The following TAPBP variants were observed in gnomAD, a reference collection of about 807,000 sequenced individuals.
TAPBP encodes the protein TAP binding protein.
A neutral mutation model predicts 45.7 loss-of-function variants in TAPBP; 38 were observed. The ratio of observed to expected loss-of-function variants is 0.83; its 90% CI spans 0.64 to 1.09. TAPBP has a LOEUF of 1.09. Among genes scored for constraint, TAPBP ranks in the 50% least tolerant of loss-of-function variants. The probability of loss-of-function intolerance (pLI) is 0.00; values close to 1 mark genes in which losing one functional copy is unlikely to be tolerated. For missense variants in TAPBP, 513 were observed against 587.3 expected (o/e 0.87, Z 1.31); for synonymous variants, 226 against 254.8 (o/e 0.89, Z 1.08).
intron 3 of TAPBP, among the ~76,000 whole-genome samples, chr6:33,306,089 T>C (rs1768953790): frequency 6.6e-6 from 1 of 152,226 alleles, no homozygotes; most frequent in African/African-American, 2.4e-5. Flanking sequence ...CATTAATACC[T>C]CTTGCTACTC....
At chr6:33,312,782 G>T (rs916777415) in intron 3 of TAPBP, among the ~76,000 whole-genome samples, 1 of 152,310 alleles carries the variant, frequency 6.6e-6, no homozygotes, top group African/African-American at 2.4e-5. Context: ...GCTGGGTTTT[G>T]AAAGAGTGAC....
chr6:33,303,374 G>A (rs1299470188), intron 7 of TAPBP, among the ~76,000 whole-genome samples: 7 of 151,846 alleles, frequency 4.6e-5, no homozygotes, highest in African/African-American at 1.5e-4. Flanking sequence ...AGCCGAGATC[G>A]CACCATTGCA....
Position 33,313,874 on chromosome 6 carries a change from A to AC in TAPBP, c.38-11_38-10insG. 6.2e-7 allele frequency: 1 copy of AC among 1,613,496 alleles called. No individual in the cohort carries two copies. On this transcript the variant is annotated splice_polypyrimidine_tract_variant and intron_variant, in intron 1 of 7. Coordinates refer to ENST00000434618, the MANE Select transcript of TAPBP (RefSeq NM_003190.5). The surrounding 1 kb of genome is among the most constrained non-coding windows in gnomAD (Gnocchi z 7.2). ...ACGGCGGTCGCCAGGCCTGGCGTAT[A>AC]GGGACGCGAGTGAGGAGCGGTTTGT...
rs1562681748 is a variant in TAPBP, at chr6:33,302,140, CTTTCTTTTT to C, written c.1336-378_1336-370del. On this transcript the variant is annotated intron_variant, in intron 7 of 7. Coordinates refer to ENST00000434618, the MANE Select transcript of TAPBP (RefSeq NM_003190.5). ...AAAGGGCTGCAATTTATTTTCTTTT[CTTTCTTTTT>C]TTTTTTTTTTTTTTGAGACAGGGTC... Among the ~76,000 whole-genome samples, 395 of 137,842 alleles carry C rather than the reference CTTTCTTTTT, an allele frequency of 2.9e-3. 4 individuals carry two copies. Among genetic ancestry groups the C allele is most frequent in the African/African-American group, 0.01 (383 of 36,848 alleles). 90.4% of individuals were successfully genotyped at this position (137,842 alleles called of 152,430 possible). A position where few individuals can be genotyped will look rare whatever the true frequency, so the allele number is the denominator to read the frequency against.
chr6:33,310,588 G>C (rs372945826), intron 3 of TAPBP, among the ~76,000 whole-genome samples: 2 of 151,448 alleles, frequency 1.3e-5, no homozygotes, highest in East Asian at 3.9e-4. Flanking sequence ...AGGCCAAGGT[G>C]GGCAGATCAA....
At position 33,304,327 on chromosome 6, in the gene TAPBP, G is replaced by T. The variant is rs545499119; in HGVS notation, c.1180C>A (p.Arg394Ser). The stretch of plus-strand genomic sequence containing the variant: ...ACCTCCAGGGTGACCTCAGCGCTGC[G>T]CCCCGAGGCAGGCAGGCTGGGATGG... ...IHHPSLPASG[R>S]SAEVTLEVAG... The change falls in exon 5 of 8, where the codon CGC becomes AGC. Residue 394 changes from arginine (R) to serine (S), a missense_variant. By Grantham distance (110) the Arg-to-Ser change is moderately radical. Coordinates refer to ENST00000434618, the MANE Select transcript of TAPBP (RefSeq NM_003190.5). 6.2e-7 allele frequency: 1 copy of T among 1,607,054 alleles called. No individual in the cohort carries two copies. Among genetic ancestry groups the T allele is most frequent in the South Asian group, 1.1e-5 (1 of 90,338 alleles).
Position 33,304,114 on chromosome 6 carries a change from G to A in TAPBP, c.1300+14C>T. ...CCAACCTCAGGTCATGGTCAGGGTA[G>A]GGCTGACACTTACCAGCCCAGCCCA... On this transcript the variant is annotated intron_variant, in intron 6 of 7. Coordinates refer to ENST00000434618, the MANE Select transcript of TAPBP (RefSeq NM_003190.5). The A allele has an allele frequency of 6.2e-7, 1 of 1,612,870 alleles. No homozygotes were observed. The highest frequency in any genetic ancestry group is 8.5e-7 in the Non-Finnish European group (1 of 1,179,562).
intron 4 of TAPBP, 123 bp from the exon 5 acceptor site, chr6:33,304,761 G>T: frequency 7.6e-7 from 1 of 1,313,488 alleles, no homozygotes; most frequent in South Asian, 1.4e-5. Context: ...TCCTGAAATA[G>T]GGAACCCACT....
intron 3 of TAPBP, among the ~76,000 whole-genome samples, chr6:33,306,410 G>A (rs1768969837): frequency 6.6e-6 from 1 of 152,232 alleles, no homozygotes; most frequent in Non-Finnish European, 1.5e-5. Flanking sequence ...AAGACAGAAT[G>A]GTGAACAAGA....
intron 3 of TAPBP, among the ~76,000 whole-genome samples, chr6:33,309,018 G>A (rs1769158424): frequency 6.6e-6 from 1 of 151,460 alleles, no homozygotes; most frequent in African/African-American, 2.4e-5. Context: ...TCATGGAATT[G>A]TTCAGTAGAG....
rs1366958938 is a variant in TAPBP, at chr6:33,301,021, G to T, written c.*739C>A. 6.6e-6 allele frequency: 1 copy of T among 151,940 alleles called. No individual in the cohort carries two copies. Among genetic ancestry groups the T allele is most frequent in the East Asian group, 1.9e-4 (1 of 5,186 alleles). The allele number at this position is 151,940 out of a possible 1,614,324, so 9.4% of individuals were successfully genotyped here. On this transcript the variant is annotated 3_prime_UTR_variant, in exon 8 of 8. Coordinates refer to ENST00000434618, the MANE Select transcript of TAPBP (RefSeq NM_003190.5). Reference sequence around the variant, plus strand: ...CTTCATTCTATAAGTGTACAGTGGAGTTTTTCAGAAGCTACATGATATGTA... The same window carrying T: ...CTTCATTCTATAAGTGTACAGTGGATTTTTTCAGAAGCTACATGATATGTA...
At chr6:33,310,488 A>T (rs924150855) in intron 3 of TAPBP, among the ~76,000 whole-genome samples, 4 of 137,022 alleles carry the variant, frequency 2.9e-5, no homozygotes, top group African/African-American at 1.1e-4. Flanking sequence ...CCTGGGCAAC[A>T]GGGTGAGACT....
At chr6:33,302,350 A>G (rs952796305) in intron 7 of TAPBP, among the ~76,000 whole-genome samples, 6 of 151,620 alleles carry the variant, frequency 4.0e-5, no homozygotes, top group Admixed American at 3.3e-4. Context: ...TTTGAGACAG[A>G]GCCTCACTCT....
In TAPBP at chr6:33,305,188, C is replaced by T. The variant is rs1581742717; in HGVS notation, c.669G>A (p.Gly223=). ...GGGCTGCTGGCATCTGGCCATTCAG[C>T]CCAGGAGTTGCAGCCAGGAGCAGAT... ...KGHLLLAATP[G]LNGQMPAAQE... is the part of the protein sequence containing the mutation. Residue 223 remains glycine, a synonymous_variant, in exon 4 of 8, where the codon GGG becomes GGA. Coordinates refer to ENST00000434618, the MANE Select transcript of TAPBP (RefSeq NM_003190.5). This position sits in a 1 kb window ranked among gnomAD's most constrained non-coding sequence, Gnocchi z 4.4. 2 of 1,614,176 alleles carry T rather than the reference C, an allele frequency of 1.2e-6. No homozygotes were observed. Among genetic ancestry groups the T allele is most frequent in the East Asian group, 2.2e-5 (1 of 44,866 alleles).
chr6:33,301,657 T>C lies in TAPBP; in HGVS notation c.*103A>G. 2.0e-6 allele frequency: 2 copies of C among 1,000,402 alleles called. No individual in the cohort carries two copies. 62.0% of individuals were successfully genotyped at this position (1,000,402 alleles called of 1,614,324 possible). On this transcript the variant is annotated 3_prime_UTR_variant, in exon 8 of 8. Transcript: ENST00000434618. ...ATTCCAGCCACTCAGTGGAGAGAGATTGGAGGGATTAGGAGCAGATGATAG... is the reference window on the plus strand; with the variant it reads ...ATTCCAGCCACTCAGTGGAGAGAGACTGGAGGGATTAGGAGCAGATGATAG...
Position 33,302,312 on chromosome 6 carries a change from A to ATATGT in TAPBP, c.1336-542_1336-541insACATA, listed in dbSNP as rs563042051. Among the ~76,000 whole-genome samples, 278 of 151,200 alleles carry ATATGT rather than the reference A, an allele frequency of 1.8e-3. 2 individuals carry two copies. Among genetic ancestry groups the ATATGT allele is most frequent in the African/African-American group, 6.4e-3 (264 of 41,180 alleles). On this transcript the variant is annotated intron_variant, in intron 7 of 7. Transcript: ENST00000434618. ...AGCTGTGTGCCACCATGCCCAGCTA[A>ATATGT]TTTGTTTTGTTTTGTTTTGTTTTGT...
At chr6:33,309,856 C>G (rs952711233) in intron 3 of TAPBP, among the ~76,000 whole-genome samples, 6 of 150,636 alleles carry the variant, frequency 4.0e-5, no homozygotes, top group Admixed American at 2.7e-4. Flanking sequence ...TTCCGAGTAG[C>G]TGGGATTACA....
In TAPBP at chr6:33,302,080, A is replaced by G. The variant is rs377666748; in HGVS notation, c.1336-309T>C. Among the ~76,000 whole-genome samples the G allele has an allele frequency of 6.0e-4, 91 of 152,256 alleles. No homozygotes were observed. The South Asian group carries it at 0.016, about 27-fold the overall frequency. ...CGAATTGAGATGTGCTGACTATTTA[A>G]AATAAACACCTGTGTTTGAATACTT... On this transcript the variant is annotated intron_variant, in intron 7 of 7. Coordinates refer to ENST00000434618, the MANE Select transcript of TAPBP (RefSeq NM_003190.5).
intron 7 of TAPBP, among the ~76,000 whole-genome samples, chr6:33,302,172 G>T (rs1388873280): frequency 1.4e-5 from 2 of 144,102 alleles, no homozygotes; most frequent in Non-Finnish European, 3.0e-5. Flanking sequence ...TTGAGACAGG[G>T]TCTCACTTTG....
Sources: gnomAD v4.1 joint callset for allele counts (sites outside exome capture counted in the v4.1 genomes callset) on GRCh38, gnomAD v4.1.1 for gene constraint, Gnocchi (gnomAD v3.1) non-coding constraint, MANE v1.5 for transcripts, NCBI Gene and HGNC (gene_info 2026-07-23, HGNC 2026-07-21) for gene names.